The following RAB28 variants were observed in gnomAD, a reference collection of about 807,000 sequenced individuals.
RAB28 encodes the protein ras-related protein Rab-28.
A neutral mutation model predicts 31.7 loss-of-function variants in RAB28; 24 were observed. The observed-to-expected ratio is 0.76, with a 90% CI of 0.55 to 1.06. The LOEUF (loss-of-function observed/expected upper bound fraction) is 1.06. RAB28 is among the 50% of genes least tolerant of loss of function. RAB28 has a pLI of 0.00. For synonymous variants in RAB28, 100 were observed against 90.4 expected, an observed-to-expected ratio of 1.11 and a Z score of -0.60; for missense variants, 254 against 258.5, an observed-to-expected ratio of 0.98 and a Z score of 0.12.
chr4:13,375,768 AACACAC>A (rs377543521), intron 6 of RAB28, among the ~76,000 whole-genome samples: 5 of 148,066 alleles, frequency 3.4e-5, no homozygotes, highest in East Asian at 3.9e-4. Context: ...ATTGTTTTAA[AACACAC>A]ACACACACAC....
intron 4 of RAB28, among the ~76,000 whole-genome samples, chr4:13,434,513 C>T (rs1713984722): frequency 6.6e-6 from 1 of 152,122 alleles, no homozygotes; most frequent in African/African-American, 2.4e-5. Context: ...CAGCATTAAA[C>T]AGATCAAGGC....
chr4:13,420,111 G>A (rs755397397), intron 4 of RAB28, among the ~76,000 whole-genome samples: 51 of 152,114 alleles, frequency 3.4e-4, no homozygotes, highest in Non-Finnish European at 5.9e-4. Context: ...AACTACCATC[G>A]GAGAATACTA....
intron 4 of RAB28, among the ~76,000 whole-genome samples, chr4:13,439,494 G>A (rs112977984): frequency 6.6e-6 from 1 of 151,034 alleles, no homozygotes; most frequent in Non-Finnish European, 1.5e-5. Flanking sequence ...AGCTGGGAGT[G>A]TGCCACCATG....
intron 4 of RAB28, among the ~76,000 whole-genome samples, chr4:13,446,413 G>A (rs184149537): frequency 4.3e-4 from 65 of 152,260 alleles, no homozygotes; most frequent in Middle Eastern, 3.4e-3. Flanking sequence ...GGTGCCACAG[G>A]AATATGAAAA....
intron 4 of RAB28, among the ~76,000 whole-genome samples, chr4:13,384,266 A>G (rs1729265069): frequency 6.6e-6 from 1 of 152,192 alleles, no homozygotes; most frequent in African/African-American, 2.4e-5. Flanking sequence ...CACAGTAGCC[A>G]GCAGGGGCCC....
At chr4:13,462,370 G>A (rs960478299) in intron 3 of RAB28, among the ~76,000 whole-genome samples, 1 of 152,138 alleles carries the variant, frequency 6.6e-6, no homozygotes, top group Admixed American at 6.6e-5. Context: ...ACAACCTTGA[G>A]AACACAGATA....
At chr4:13,480,954 G>GA (rs1406512712) in intron 1 of RAB28, among the ~76,000 whole-genome samples, 1 of 151,662 alleles carries the variant, frequency 6.6e-6, no homozygotes, top group African/African-American at 2.4e-5. Context: ...CAGAATTCTA[G>GA]AAAAAAATAA....
intron 4 of RAB28, among the ~76,000 whole-genome samples, chr4:13,453,666 C>G (rs1350698137): frequency 6.6e-6 from 1 of 151,780 alleles, no homozygotes; most frequent in Non-Finnish European, 1.5e-5. Flanking sequence ...TCCATTCTAT[C>G]CTGGCCTGTA....
chr4:13,429,527 A>G (rs1366493626), intron 4 of RAB28, among the ~76,000 whole-genome samples: 2 of 152,238 alleles, frequency 1.3e-5, no homozygotes, highest in Non-Finnish European at 2.9e-5. Flanking sequence ...CATTTCCATT[A>G]ACAACTTTAC....
intron 3 of RAB28, among the ~76,000 whole-genome samples, chr4:13,466,651 T>A (rs1317394136): frequency 6.6e-6 from 1 of 151,728 alleles, no homozygotes; most frequent in East Asian, 1.9e-4. Flanking sequence ...TCAAAAAAAC[T>A]AAGAATATGA....
chr4:13,370,833 TAAGA>T, intron 6 of RAB28: 2 of 964,610 alleles, frequency 2.1e-6, no homozygotes, highest in Non-Finnish European at 2.5e-6. Flanking sequence ...TTCAAATATC[TAAGA>T]GTTTTACTAA....
At chr4:13,475,977 T>C (rs1160491987) in intron 2 of RAB28, among the ~76,000 whole-genome samples, 4 of 151,514 alleles carry the variant, frequency 2.6e-5, no homozygotes, top group Admixed American at 2.0e-4. Flanking sequence ...CACAACTCTT[T>C]AGGGTTATTT....
At chr4:13,466,694 A>C (rs1164184349) in intron 3 of RAB28, among the ~76,000 whole-genome samples, 1 of 151,942 alleles carries the variant, frequency 6.6e-6, no homozygotes, top group East Asian at 1.9e-4. Flanking sequence ...ATTTACCCAA[A>C]GATTTGAAAT....
At chr4:13,404,221 A>G (rs1403487491) in intron 4 of RAB28, among the ~76,000 whole-genome samples, 1 of 152,030 alleles carries the variant, frequency 6.6e-6, no homozygotes, top group Non-Finnish European at 1.5e-5. Flanking sequence ...TCCACTAAAA[A>G]TACACAATTA....
At chr4:13,458,996 G>C (rs1362048680) in intron 4 of RAB28, among the ~76,000 whole-genome samples, 1 of 152,188 alleles carries the variant, frequency 6.6e-6, no homozygotes, top group Non-Finnish European at 1.5e-5. Flanking sequence ...ACTGGGAGAG[G>C]CAGACTCACC....
At chr4:13,429,820 G>A (rs140517438) in intron 4 of RAB28, among the ~76,000 whole-genome samples, 2 of 152,112 alleles carry the variant, frequency 1.3e-5, no homozygotes, top group African/African-American at 4.8e-5. Context: ...CAGAATAGTC[G>A]AAACAATCTG....
chr4:13,483,245 C>T (rs536834113), intron 1 of RAB28, among the ~76,000 whole-genome samples: 55 of 152,238 alleles, frequency 3.6e-4, no homozygotes, highest in African/African-American at 1.3e-3. Flanking sequence ...GTAGGAGCCC[C>T]TGCCTAGGAG....
intron 4 of RAB28, among the ~76,000 whole-genome samples, chr4:13,412,089 CCA>C (rs796145106): frequency 1.3e-5 from 2 of 151,266 alleles, no homozygotes; most frequent in African/African-American, 4.8e-5. Context: ...AGCCCCTACA[CCA>C]CAATTTGTTG....
chr4:13,442,355 A>G lies in RAB28; in HGVS notation c.391+18344T>C, dbSNP rs78789171. ...GGTTTATGCAGCATCTTTTTTTTTT[A>G]TTACACACGTGTCTGCATAGCAAAA... On this transcript the variant is annotated intron_variant, in intron 4 of 6. Coordinates refer to ENST00000330852, the MANE Select transcript of RAB28 (RefSeq NM_001017979.3). Among the ~76,000 whole-genome samples, 887 of 151,420 alleles carry G rather than the reference A, an allele frequency of 5.9e-3. 7 individuals are homozygous for G. Among genetic ancestry groups the G allele is most frequent in the Admixed American group, 7.7e-3 (117 of 15,232 alleles).
Sources: gnomAD v4.1 joint callset for allele counts (sites outside exome capture counted in the v4.1 genomes callset) on GRCh38, gnomAD v4.1.1 for gene constraint, MANE v1.5 for transcripts, NCBI Gene and HGNC (gene_info 2026-07-23, HGNC 2026-07-21) for gene names.